PRKCE: variants seen among roughly 807,000 people sequenced by gnomAD.
PRKCE encodes the protein protein kinase C epsilon.
Under a neutral mutation model 85.4 loss-of-function variants are expected in PRKCE, and 16 were observed. That is an observed-to-expected ratio of 0.19 (90% CI 0.13 to 0.28). The LOEUF (loss-of-function observed/expected upper bound fraction) is 0.28, where lower values mean the gene tolerates loss of function less well. Among genes scored for constraint, PRKCE ranks in the 10% least tolerant of loss-of-function variants. The pLI, the probability that PRKCE is intolerant of heterozygous loss-of-function variation, is 1.00. For synonymous variants in PRKCE, 388 were observed against 371.5 expected, an observed-to-expected ratio of 1.04 and a Z score of -0.51; for missense variants, 573 against 975.2, an observed-to-expected ratio of 0.59 and a Z score of 5.49.
At chr2:46,016,174 A>C (rs3738898) in intron 10 of PRKCE, among the ~76,000 whole-genome samples, 2 of 151,850 alleles carry the variant, frequency 1.3e-5, no homozygotes, top group Non-Finnish European at 2.9e-5. Context: ...CATTTATTCT[A>C]ATCAGCCAAT....
rs866956434 is a variant in PRKCE, at chr2:46,048,253, T to C, written c.1437+37736T>C. The stretch of plus-strand genomic sequence containing the variant: ...AGGTACATGATCTCTTTGAGCCTTA[T>C]TTTCCTTATCTGTGACATGGAGACA... On this transcript the variant is annotated intron_variant, in intron 10 of 14. Coordinates refer to ENST00000306156, the MANE Select transcript of PRKCE (RefSeq NM_005400.3). Among the ~76,000 whole-genome samples, 20 of 152,306 alleles carry C rather than the reference T, an allele frequency of 1.3e-4. No homozygotes were observed. In the Middle Eastern group the frequency reaches 0.02, roughly 155 times the overall value.
intron 1 of PRKCE, among the ~76,000 whole-genome samples, chr2:45,653,593 C>T (rs935326256): frequency 1.3e-5 from 2 of 152,016 alleles, no homozygotes; most frequent in Non-Finnish European, 2.9e-5. Context: ...AACCAGCTAA[C>T]TTCATGAATG....
chr2:45,747,524 A>C (rs944526694), intron 1 of PRKCE, among the ~76,000 whole-genome samples: 1 of 152,188 alleles, frequency 6.6e-6, no homozygotes, highest in African/African-American at 2.4e-5. Context: ...TCTGTGTTGT[A>C]GCATATGTCA....
chr2:45,847,070 T>C (rs898587451), intron 2 of PRKCE, among the ~76,000 whole-genome samples: 2 of 152,198 alleles, frequency 1.3e-5, no homozygotes, highest in Non-Finnish European at 2.9e-5. Context: ...AACAGAGTAA[T>C]CTATCTGGCA....
chr2:45,892,480 AC>A (rs1695804103), intron 2 of PRKCE, among the ~76,000 whole-genome samples: 1 of 152,108 alleles, frequency 6.6e-6, no homozygotes, highest in South Asian at 2.1e-4. Context: ...TTGAGTGTTG[AC>A]AAGCTGAGGA....
chr2:45,700,762 T>G (rs1356243809), intron 1 of PRKCE: 1 of 152,160 alleles, frequency 6.6e-6, no homozygotes, highest in Non-Finnish European at 1.5e-5. Context: ...GTAATCAAGT[T>G]AAGATGAAGT....
intron 1 of PRKCE, among the ~76,000 whole-genome samples, chr2:45,794,151 C>A (rs949293962): frequency 7.9e-5 from 12 of 152,104 alleles, no homozygotes; most frequent in Non-Finnish European, 8.8e-5. Context: ...CAGAACTCTT[C>A]CTCAGGAGTG....
intron 1 of PRKCE, chr2:45,674,800 G>T (rs967842477): frequency 6.6e-6 from 1 of 152,232 alleles, no homozygotes; most frequent in Non-Finnish European, 1.5e-5. Flanking sequence ...AGGACTCTGA[G>T]TGAGTCTACA....
At chr2:46,049,553 C>T (rs891512589) in intron 10 of PRKCE, among the ~76,000 whole-genome samples, 5 of 152,198 alleles carry the variant, frequency 3.3e-5, no homozygotes, top group Non-Finnish European at 5.9e-5. Context: ...CCTGATTGTT[C>T]CTAAGCAGAC....
At chr2:46,017,449 A>G (rs140910696) in intron 10 of PRKCE, among the ~76,000 whole-genome samples, 58 of 152,328 alleles carry the variant, frequency 3.8e-4, no homozygotes, top group Non-Finnish European at 7.5e-4. Flanking sequence ...TTCACTTATC[A>G]TCTATGGATG....
intron 10 of PRKCE, among the ~76,000 whole-genome samples, chr2:46,079,253 C>G (rs1668838994): frequency 6.6e-6 from 1 of 151,912 alleles, no homozygotes; most frequent in African/African-American, 2.4e-5. Context: ...GTGATAAAGC[C>G]TGGATGAGCG....
chr2:45,835,951 T>C (rs1001948450), intron 1 of PRKCE, among the ~76,000 whole-genome samples: 1 of 152,220 alleles, frequency 6.6e-6, no homozygotes, highest in Non-Finnish European at 1.5e-5. Flanking sequence ...CATGGTTTGC[T>C]TATTCATTTA....
intron 1 of PRKCE, among the ~76,000 whole-genome samples, chr2:45,770,357 T>C (rs1227216066): frequency 1.3e-5 from 2 of 152,198 alleles, no homozygotes. Context: ...AGGGACATGA[T>C]GTCACTCTTC....
intron 10 of PRKCE, among the ~76,000 whole-genome samples, chr2:46,053,648 G>A (rs769502901): frequency 1.2e-4 from 18 of 152,188 alleles, no homozygotes; most frequent in South Asian, 1.0e-3. Context: ...CCGTGTCCTC[G>A]AGGTTCACCC....
intron 11 of PRKCE, among the ~76,000 whole-genome samples, chr2:46,103,910 G>C (rs1316630159): frequency 2.6e-5 from 4 of 152,100 alleles, no homozygotes; most frequent in Admixed American, 2.6e-4. Context: ...GGAAGGGGAG[G>C]CAGGAGAGAC....
chr2:45,945,559 C>A (rs1700187066), intron 2 of PRKCE, among the ~76,000 whole-genome samples: 2 of 152,210 alleles, frequency 1.3e-5, no homozygotes, highest in Admixed American at 6.5e-5. Context: ...AACGTCGAAA[C>A]TATATCAGCC....
In PRKCE at chr2:46,004,286, A is replaced by C; in HGVS notation, c.967-256A>C. 2.3e-6 allele frequency: 1 copy of C among 426,444 alleles called. No individual in the cohort carries two copies. Among genetic ancestry groups the C allele is most frequent in the Non-Finnish European group, 4.4e-6 (1 of 225,682 alleles). 26.4% of individuals were successfully genotyped at this position (426,444 alleles called of 1,614,324 possible). A position where few individuals can be genotyped will look rare whatever the true frequency, so the allele number is the denominator to read the frequency against. On this transcript the variant is annotated intron_variant, in intron 7 of 14. Transcript: ENST00000306156. This position sits in a 1 kb window ranked among gnomAD's most constrained non-coding sequence, Gnocchi z 4.1. Reference sequence around the variant, plus strand: ...GTCTCAGCTCTTTGGAATGAGGGGAAGACATCATCCTTCTGTGAATGTAGG... The same window carrying C: ...GTCTCAGCTCTTTGGAATGAGGGGACGACATCATCCTTCTGTGAATGTAGG...
At chr2:45,663,496 A>G (rs1247339746) in intron 1 of PRKCE, among the ~76,000 whole-genome samples, 1 of 152,160 alleles carries the variant, frequency 6.6e-6, no homozygotes, top group African/African-American at 2.4e-5. Flanking sequence ...CTGGAAGAAG[A>G]ATATAGAAAA....
At chr2:45,984,174 G>A (rs1426359394) in intron 5 of PRKCE, among the ~76,000 whole-genome samples, 1 of 152,020 alleles carries the variant, frequency 6.6e-6, no homozygotes, top group African/African-American at 2.4e-5. Context: ...CTGACCTCAG[G>A]TGGTCCGCCT....
Sources: gnomAD v4.1 joint callset for allele counts (sites outside exome capture counted in the v4.1 genomes callset) on GRCh38, gnomAD v4.1.1 for gene constraint, Gnocchi (gnomAD v3.1) non-coding constraint, MANE v1.5 for transcripts, NCBI Gene and HGNC (gene_info 2026-07-23, HGNC 2026-07-21) for gene names.